The following GRM8 variants were observed in gnomAD, a reference collection of about 807,000 sequenced individuals.
GRM8 encodes glutamate metabotropic receptor 8.
Under a neutral mutation model 87.2 loss-of-function variants are expected in GRM8, and 47 were observed. The ratio of observed to expected loss-of-function variants is 0.54; its 90% confidence interval spans 0.43 to 0.69. The LOEUF (loss-of-function observed/expected upper bound fraction) is 0.69, where lower values mean the gene tolerates loss of function less well. GRM8 is among the 30% of genes least tolerant of loss of function. The pLI, the probability that GRM8 is intolerant of heterozygous loss-of-function variation, is 0.00. For synonymous variants in GRM8, 396 were observed against 404.5 expected (o/e 0.98, Z 0.25); for missense variants, 1,019 against 1,139.2 (o/e 0.89, Z 1.52).
chr7:126,686,393 GAGA>G (rs1400754117), intron 7 of GRM8, among the ~76,000 whole-genome samples: 2 of 152,186 alleles, frequency 1.3e-5, no homozygotes, highest in African/African-American at 4.8e-5. Flanking sequence ...TGTGGGTGAA[GAGA>G]AGGAGAGAAA....
chr7:127,241,132 A>G lies in GRM8; in HGVS notation c.510+1563T>C, dbSNP rs571121108. Reference sequence around the variant, plus strand: ...CTCCTTATTTGAGAAAATTTCATCTATCTGAAAATAGCCATTAAGTTGCCT... The same window carrying G: ...CTCCTTATTTGAGAAAATTTCATCTGTCTGAAAATAGCCATTAAGTTGCCT... On this transcript the variant is annotated intron_variant, in intron 2 of 10. Transcript: ENST00000339582. Among the ~76,000 whole-genome samples the G allele has an allele frequency of 3.0e-4, 46 of 152,304 alleles. No homozygotes were observed. In the Middle Eastern group the frequency reaches 0.01, roughly 34 times the overall value.
At chr7:127,017,653 G>A (rs186711696) in intron 3 of GRM8, among the ~76,000 whole-genome samples, 37 of 152,092 alleles carry the variant, frequency 2.4e-4, no homozygotes, top group Admixed American at 1.1e-3. Flanking sequence ...TTGAGTGTGG[G>A]GTGATGGAGA....
At chr7:127,184,223 A>G (rs1453744470) in intron 2 of GRM8, among the ~76,000 whole-genome samples, 1 of 151,952 alleles carries the variant, frequency 6.6e-6, no homozygotes, top group African/African-American at 2.4e-5. Flanking sequence ...ATAGATCAAT[A>G]TCTATCATGA....
chr7:126,477,283 A>G (rs1318110936), intron 9 of GRM8, among the ~76,000 whole-genome samples: 1 of 152,094 alleles, frequency 6.6e-6, no homozygotes, highest in Non-Finnish European at 1.5e-5. Context: ...ACAAAGTTTC[A>G]GTTATATAAT....
intron 8 of GRM8, among the ~76,000 whole-genome samples, chr7:126,578,177 G>A (rs905888045): frequency 6.6e-6 from 1 of 151,962 alleles, no homozygotes; most frequent in Non-Finnish European, 1.5e-5. Context: ...TGGGTTGATT[G>A]GAAACTCTAT....
chr7:126,964,043 G>A (rs759426800), intron 3 of GRM8, among the ~76,000 whole-genome samples: 3 of 151,950 alleles, frequency 2.0e-5, no homozygotes, highest in Non-Finnish European at 2.9e-5. Flanking sequence ...TTTGACAAAC[G>A]TGACAAAAAC....
intron 3 of GRM8, among the ~76,000 whole-genome samples, chr7:126,988,442 G>C (rs906171899): frequency 5.9e-5 from 9 of 152,192 alleles, no homozygotes; most frequent in African/African-American, 2.2e-4. Context: ...ATAGAATTTA[G>C]TTATAAAAGT....
At chr7:126,936,068 A>G (rs1052330500) in intron 3 of GRM8, among the ~76,000 whole-genome samples, 2 of 152,214 alleles carry the variant, frequency 1.3e-5, no homozygotes, top group African/African-American at 4.8e-5. Context: ...AGTATTAAGA[A>G]AAGATAAAAA....
chr7:126,889,700 C>T (rs1800818805), intron 6 of GRM8, among the ~76,000 whole-genome samples: 1 of 152,066 alleles, frequency 6.6e-6, no homozygotes, highest in Admixed American at 6.6e-5. Flanking sequence ...ATTTTATATT[C>T]ACTGACTGAG....
intron 3 of GRM8, chr7:127,084,351 T>A (rs562191818): frequency 6.6e-6 from 1 of 152,326 alleles, no homozygotes; most frequent in African/African-American, 2.4e-5. Flanking sequence ...GGAGTTGGAA[T>A]ATTTTAAGAA....
chr7:127,249,867 C>T (rs1026231525), intron 1 of GRM8, among the ~76,000 whole-genome samples: 1 of 152,128 alleles, frequency 6.6e-6, no homozygotes, highest in East Asian at 1.9e-4. Context: ...CCTGAACCTC[C>T]GCAAGCCAGC....
intron 3 of GRM8, among the ~76,000 whole-genome samples, chr7:126,955,943 T>C (rs556307538): frequency 1.3e-5 from 2 of 152,282 alleles, no homozygotes; most frequent in African/African-American, 2.4e-5. Flanking sequence ...GATATTCCCA[T>C]TTTAAATGTT....
chr7:127,055,067 C>T (rs1287745750), intron 3 of GRM8, among the ~76,000 whole-genome samples: 2 of 152,032 alleles, frequency 1.3e-5, no homozygotes, highest in African/African-American at 4.8e-5. Flanking sequence ...AAAATTTTCT[C>T]AGAGAGGTGA....
chr7:126,455,401 G>A (rs1462213114), intron 9 of GRM8, among the ~76,000 whole-genome samples: 2 of 151,012 alleles, frequency 1.3e-5, no homozygotes, highest in Admixed American at 6.6e-5. Context: ...CTCCAAATCA[G>A]AGAAGCATCC....
intron 7 of GRM8, among the ~76,000 whole-genome samples, chr7:126,718,962 A>G (rs189173007): frequency 1.4e-4 from 21 of 152,308 alleles, no homozygotes; most frequent in African/African-American, 5.1e-4. Flanking sequence ...AGTTACTTTT[A>G]TATACTTTGG....
chr7:126,487,132 G>A (rs1466558963), intron 9 of GRM8, among the ~76,000 whole-genome samples: 1 of 151,974 alleles, frequency 6.6e-6, no homozygotes, highest in Non-Finnish European at 1.5e-5. Context: ...TGTTATTGAG[G>A]AGTGGCTTCT....
At chr7:126,811,544 G>A (rs1422934581) in intron 6 of GRM8, among the ~76,000 whole-genome samples, 5 of 151,880 alleles carry the variant, frequency 3.3e-5, no homozygotes, top group Non-Finnish European at 5.9e-5. Flanking sequence ...TTATTCATTA[G>A]TGTTTTGTAG....
intron 2 of GRM8, among the ~76,000 whole-genome samples, chr7:127,127,631 C>T (rs778040906): frequency 1.1e-4 from 17 of 151,896 alleles, no homozygotes; most frequent in Non-Finnish European, 1.6e-4. Flanking sequence ...GGGGCCAGAG[C>T]AGGGTAAGAG....
Position 126,693,882 on chromosome 7 carries a change from C to T in GRM8, c.1357+75983G>A, listed in dbSNP as rs1469790790. Among the ~76,000 whole-genome samples, 3 of 152,120 alleles carry T rather than the reference C, an allele frequency of 2.0e-5. No individual in the cohort carries two copies. In the East Asian group the frequency reaches 5.8e-4, roughly 29 times the overall value. ...GTCTCAAGTTATGTTTCATTTATTA[C>T]ATCTAAGTCTTAATCATTTTCATAA... On this transcript the variant is annotated intron_variant, in intron 7 of 10. Coordinates refer to ENST00000339582, the MANE Select transcript of GRM8 (RefSeq NM_000845.3).
Sources: allele counts gnomAD v4.1 joint callset (sites outside exome capture counted in the v4.1 genomes callset), GRCh38; gene constraint gnomAD v4.1.1; transcripts MANE v1.5; gene names NCBI Gene and HGNC (gene_info 2026-07-23, HGNC 2026-07-21).